SGCD: variants seen among roughly 807,000 people sequenced by gnomAD.
The protein encoded by SGCD is delta-sarcoglycan.
In SGCD, 18 loss-of-function variants were observed where a neutral mutation model predicts 36.6. The observed-to-expected ratio is 0.49, with a 90% CI of 0.34 to 0.73. The LOEUF is 0.73. Ranked by LOEUF, SGCD falls within the 30% of genes least tolerant of loss-of-function variation. The probability of loss-of-function intolerance (pLI) is 0.01; values close to 1 mark genes in which losing one functional copy is unlikely to be tolerated. For missense variants in SGCD, 387 were observed against 346.7 expected (o/e 1.12, Z -0.92); for synonymous variants, 133 against 130.6 (o/e 1.02, Z -0.12).
At chr5:156,557,421 T>A (rs1759073336) in intron 4 of SGCD, among the ~76,000 whole-genome samples, 1 of 152,164 alleles carries the variant, frequency 6.6e-6, no homozygotes, top group African/African-American at 2.4e-5. Context: ...AAGCCAAAAT[T>A]AACAGTACTA....
the SGCD span, among the ~76,000 whole-genome samples, chr5:155,823,535 C>T: frequency 2.0e-5 from 3 of 152,184 alleles, no homozygotes; most frequent in Non-Finnish European, 2.9e-5. Context: ...CAAATGGACA[C>T]GTAAAATTAA....
At chr5:155,886,557 G>A (rs1756009395) in intron 1 of SGCD, among the ~76,000 whole-genome samples, 2 of 152,096 alleles carry the variant, frequency 1.3e-5, no homozygotes, top group South Asian at 4.1e-4. Context: ...TGCATGTGCA[G>A]CCTCAGAAAG....
At chr5:156,524,746 AC>A (rs1757575118) in intron 4 of SGCD, among the ~76,000 whole-genome samples, 1 of 151,832 alleles carries the variant, frequency 6.6e-6, no homozygotes, top group African/African-American at 2.4e-5. Context: ...TGTTTCACCT[AC>A]CCCACTCCCA....
At chr5:156,536,549 C>A (rs184803014) in intron 4 of SGCD, among the ~76,000 whole-genome samples, 1 of 152,218 alleles carries the variant, frequency 6.6e-6, no homozygotes, top group African/African-American at 2.4e-5. Flanking sequence ...AAGTAAAATG[C>A]AGCTTTATTT....
chr5:155,861,015 A>C, the SGCD span, among the ~76,000 whole-genome samples: 11 of 152,186 alleles, frequency 7.2e-5, no homozygotes, highest in African/African-American at 2.7e-4. Flanking sequence ...AGAGAATTGG[A>C]AGGTATTGAA....
chr5:156,051,027 C>T (rs1300105065), intron 1 of SGCD, among the ~76,000 whole-genome samples: 2 of 146,322 alleles, frequency 1.4e-5, no homozygotes, highest in South Asian at 2.1e-4. Context: ...TCTTGGAGAA[C>T]CATTACTCAG....
At chr5:155,850,808 G>A in the SGCD span, among the ~76,000 whole-genome samples, 5 of 152,116 alleles carry the variant, frequency 3.3e-5, no homozygotes, top group African/African-American at 4.8e-5. Flanking sequence ...GACATTCTGG[G>A]AGATACAAAG....
intron 3 of SGCD, among the ~76,000 whole-genome samples, chr5:156,159,211 T>G (rs1181941590): frequency 2.0e-5 from 3 of 151,634 alleles, no homozygotes; most frequent in African/African-American, 7.3e-5. Context: ...TAGTGCTATG[T>G]GTGCAAAAAT....
At chr5:156,463,485 C>A (rs903148768) in intron 3 of SGCD, among the ~76,000 whole-genome samples, 5 of 151,908 alleles carry the variant, frequency 3.3e-5, no homozygotes, top group African/African-American at 7.3e-5. Context: ...TTTTTTTTTA[C>A]CTGAACTATA....
At chr5:155,972,453 T>C (rs564870284) in intron 1 of SGCD, among the ~76,000 whole-genome samples, 26 of 152,290 alleles carry the variant, frequency 1.7e-4, no homozygotes, top group African/African-American at 5.5e-4. Context: ...TTATTTTTAA[T>C]GACTACATGG....
rs562531642 is a variant in SGCD at position 156,242,983 on chromosome 5, G to A, written c.-43-86551G>A. On this transcript the variant is annotated intron_variant, in intron 3 of 9. Transcript: ENST00000517913. ...GAATACCTGGTAAGGTGGTCATGCA[G>A]GTTGCCTTTGATGATGGGAGGTTGA... is the stretch of plus-strand genomic sequence containing the variant. Among the ~76,000 whole-genome samples, 127 of 152,342 alleles carry A rather than the reference G, an allele frequency of 8.3e-4. 1 individual carries two copies. Among genetic ancestry groups the A allele is most frequent in the Admixed American group, 2.8e-3 (43 of 15,308 alleles).
At chr5:155,929,573 A>G (rs1413093271) in intron 1 of SGCD, among the ~76,000 whole-genome samples, 1 of 151,808 alleles carries the variant, frequency 6.6e-6, no homozygotes, top group African/African-American at 2.4e-5. Context: ...CTTCTATTCC[A>G]TCTCTCCCCA....
At chr5:156,060,631 T>C (rs1286570328) in intron 1 of SGCD, among the ~76,000 whole-genome samples, 1 of 145,910 alleles carries the variant, frequency 6.9e-6, no homozygotes, top group Non-Finnish European at 1.5e-5. Flanking sequence ...TATGTTGTTT[T>C]GTTGCATAGA....
chr5:155,898,171 T>C (rs1318942526), intron 1 of SGCD, among the ~76,000 whole-genome samples: 1 of 152,208 alleles, frequency 6.6e-6, no homozygotes, highest in Non-Finnish European at 1.5e-5. Flanking sequence ...TTATCAGCAA[T>C]TACCTTTTGG....
At chr5:156,704,876 C>T (rs572957780) in intron 7 of SGCD, among the ~76,000 whole-genome samples, 1 of 151,524 alleles carries the variant, frequency 6.6e-6, no homozygotes, top group African/African-American at 2.4e-5. Context: ...TGCCATTCAC[C>T]TGGTGGTAGC....
Position 155,939,107 on chromosome 5 carries a change from A to G in SGCD, c.-282+68683A>G, listed in dbSNP as rs368497679. Among the ~76,000 whole-genome samples, 186 of 152,320 alleles carry G rather than the reference A, an allele frequency of 1.2e-3. 1 individual carries two copies. The highest frequency in any genetic ancestry group is 4.4e-3 in the African/African-American group (181 of 41,570). ...CAAAAGATAAAGAATTCCAGTTAGG[A>G]GGAAAATGTTCAAGAGATTTATGCA... On this transcript the variant is annotated intron_variant, in intron 1 of 9. Transcript: ENST00000517913.
At chr5:156,567,886 C>T (rs1044747603) in intron 4 of SGCD, among the ~76,000 whole-genome samples, 3 of 152,090 alleles carry the variant, frequency 2.0e-5, no homozygotes, top group African/African-American at 7.2e-5. Context: ...TATTATTGGC[C>T]ATGTCAACAA....
intron 1 of SGCD, among the ~76,000 whole-genome samples, chr5:155,959,245 C>G (rs1174357633): frequency 6.6e-6 from 1 of 152,136 alleles, no homozygotes. Flanking sequence ...CCTATATCTT[C>G]ATTCATTCCT....
At chr5:156,419,562 A>C (rs140873669) in intron 3 of SGCD, among the ~76,000 whole-genome samples, 78 of 152,270 alleles carry the variant, frequency 5.1e-4, no homozygotes, top group African/African-American at 1.5e-3. Flanking sequence ...TTCATGGATC[A>C]GCCTAAGAAT....
Sources: gnomAD v4.1 joint callset for allele counts (sites outside exome capture counted in the v4.1 genomes callset) on GRCh38, gnomAD v4.1.1 for gene constraint, MANE v1.5 for transcripts, NCBI Gene and HGNC (gene_info 2026-07-23, HGNC 2026-07-21) for gene names.